PTPRT: variants seen among roughly 807,000 people sequenced by gnomAD.
PTPRT encodes receptor-type tyrosine-protein phosphatase T.
A neutral mutation model predicts 176.8 loss-of-function variants in PTPRT; 56 were observed. The ratio of observed to expected loss-of-function variants is 0.32; its 90% confidence interval spans 0.26 to 0.40. The LOEUF (loss-of-function observed/expected upper bound fraction) is 0.40, where lower values mean the gene tolerates loss of function less well. PTPRT is among the 10% of genes least tolerant of loss of function. The probability of loss-of-function intolerance (pLI) is 1.00; values close to 1 mark genes in which losing one functional copy is unlikely to be tolerated. For missense variants in PTPRT, 1,540 were observed against 1,908.2 expected, an observed-to-expected ratio of 0.81 and a Z score of 3.60; for synonymous variants, 783 against 739.0, an observed-to-expected ratio of 1.06 and a Z score of -0.96.
At chr20:42,149,549 G>A (rs1989030427) in intron 17 of PTPRT, among the ~76,000 whole-genome samples, 1 of 151,680 alleles carries the variant, frequency 6.6e-6, no homozygotes. Context: ...TCAGCCTCCT[G>A]AGTAGCTGGG....
intron 2 of PTPRT, among the ~76,000 whole-genome samples, chr20:42,814,343 T>C: frequency 6.6e-6 from 1 of 152,222 alleles, no homozygotes; most frequent in East Asian, 1.9e-4. Flanking sequence ...GTCAGTGATC[T>C]TAACGCAAAT....
rs772426498 is a variant in PTPRT at position 42,236,262 on chromosome 20, T to G, written c.2313-4A>C. 1 of 1,596,376 alleles carries G rather than the reference T, an allele frequency of 6.3e-7. No individual in the cohort carries two copies. The highest frequency in any genetic ancestry group is 1.1e-5 in the South Asian group (1 of 90,120). On this transcript the variant is annotated splice_polypyrimidine_tract_variant and splice_region_variant and intron_variant, in intron 14 of 30. Coordinates refer to ENST00000373187, the MANE Select transcript of PTPRT (RefSeq NM_007050.6). ...GGAGTAGGAATAAGCATTTCTTCTA[T>G]ATATTGATGGGCAGTCAGATGAAGG...
intron 6 of PTPRT, chr20:42,688,618 T>C (rs1024437535): frequency 1.3e-5 from 2 of 152,226 alleles, no homozygotes; most frequent in Non-Finnish European, 2.9e-5. Flanking sequence ...ATAGGTATTA[T>C]AATTATCTTT....
intron 13 of PTPRT, among the ~76,000 whole-genome samples, chr20:42,279,118 G>C (rs978608386): frequency 1.3e-5 from 2 of 152,002 alleles, no homozygotes; most frequent in African/African-American, 2.4e-5. Context: ...ATCACTTAAT[G>C]CCTGTTTACC....
In PTPRT at chr20:42,508,847, A is replaced by C. The variant is rs78625382; in HGVS notation, c.1154-36285T>G. The stretch of plus-strand genomic sequence containing the variant: ...GTACTGGAAACTCTGGTCATTGTAC[A>C]TTTAATGATGGCTGTTTATCCTTAC... On this transcript the variant is annotated intron_variant, in intron 7 of 30. Coordinates refer to ENST00000373187, the MANE Select transcript of PTPRT (RefSeq NM_007050.6). Among the ~76,000 whole-genome samples the C allele has an allele frequency of 2.0e-3, 295 of 149,572 alleles. 6 individuals carry two copies. The East Asian group carries it at 0.048, about 24-fold the overall frequency.
chr20:42,570,871 T>A (rs1568985885), intron 7 of PTPRT, among the ~76,000 whole-genome samples: 1 of 151,878 alleles, frequency 6.6e-6, no homozygotes, highest in Non-Finnish European at 1.5e-5. Context: ...ATTAACTTAA[T>A]CTATAAAGTC....
chr20:42,437,469 C>T lies in PTPRT; in HGVS notation c.1560+10751G>A, dbSNP rs146063047. The stretch of plus-strand genomic sequence containing the variant: ...ACTATTTGACGTGCAGCGATACACA[C>T]GTTAAAAACGTGCATAAAATAAAAC... On this transcript the variant is annotated intron_variant, in intron 9 of 30. Transcript: ENST00000373187. Among the ~76,000 whole-genome samples the T allele has an allele frequency of 1.3e-3, 205 of 152,262 alleles. 1 individual carries two copies. Among genetic ancestry groups the T allele is most frequent in the African/African-American group, 4.6e-3 (190 of 41,538 alleles).
intron 1 of PTPRT, among the ~76,000 whole-genome samples, chr20:42,993,440 GTATATATATATATGTATGTGTGTGTA>G: frequency 9.9e-6 from 1 of 101,188 alleles, no homozygotes; most frequent in Non-Finnish European, 1.9e-5. Flanking sequence ...AAGTATGTGT[GTATATATATATATGTATGTGTGTGTA>G]TATATATACA....
intron 7 of PTPRT, among the ~76,000 whole-genome samples, chr20:42,479,558 C>A (rs1445548270): frequency 1.3e-5 from 2 of 152,244 alleles, no homozygotes; most frequent in Non-Finnish European, 2.9e-5. Flanking sequence ...TTCTTTCCAG[C>A]ATCATCGAAA....
At chr20:42,941,634 G>A (rs558911648) in intron 1 of PTPRT, among the ~76,000 whole-genome samples, 4 of 152,118 alleles carry the variant, frequency 2.6e-5, no homozygotes, top group South Asian at 2.1e-4. Context: ...GTACCCTCCC[G>A]TCCTTCTGGG....
intron 7 of PTPRT, among the ~76,000 whole-genome samples, chr20:42,523,908 C>G (rs1033533976): frequency 7.9e-5 from 12 of 152,050 alleles, no homozygotes; most frequent in African/African-American, 2.7e-4. Flanking sequence ...ATCACTTGAG[C>G]TCAGGAGTTG....
In PTPRT at chr20:42,593,157, C is replaced by G. The variant is rs149300729; in HGVS notation, c.1153+84709G>C. Reference sequence around the variant, plus strand: ...CATGACTTTGGTCTCAACACCGGCACAGTAATCATCATGGAATCTCAGAAT... The same window carrying G: ...CATGACTTTGGTCTCAACACCGGCAGAGTAATCATCATGGAATCTCAGAAT... On this transcript the variant is annotated intron_variant, in intron 7 of 30. Coordinates refer to ENST00000373187, the MANE Select transcript of PTPRT (RefSeq NM_007050.6). Among the ~76,000 whole-genome samples the G allele has an allele frequency of 4.0e-3, 607 of 152,256 alleles. 2 individuals are homozygous for G. The highest frequency in any genetic ancestry group is 6.8e-3 in the Middle Eastern group (2 of 294).
intron 17 of PTPRT, 79 bp downstream of exon 17, chr20:42,161,273 T>C (rs1373850256): frequency 2.6e-6 from 4 of 1,549,394 alleles, no homozygotes; most frequent in Middle Eastern, 3.4e-4. Flanking sequence ...CAGGGAGCCA[T>C]ACTTTTTGTA....
intron 13 of PTPRT, among the ~76,000 whole-genome samples, chr20:42,273,064 C>T (rs781140569): frequency 2.0e-5 from 3 of 152,148 alleles, no homozygotes; most frequent in Non-Finnish European, 2.9e-5. Context: ...TTTGCCTTGA[C>T]GACAGCCCTT....
rs574161068 is a variant in PTPRT, at chr20:43,152,211, GA to G, written c.88+37434del. 7.2e-3 allele frequency among the ~76,000 whole-genome samples: 1,076 copies of G among 148,758 alleles called. 26 individuals are homozygous for G. The highest frequency in any genetic ancestry group is 0.053 in the Admixed American group (787 of 14,944). ...ACAACTACCTTGAAAAGTTAGCCAA[GA>G]AAAAAAAAATGGAAGGAAATATGCC... On this transcript the variant is annotated intron_variant, in intron 1 of 30. Coordinates refer to ENST00000373187, the MANE Select transcript of PTPRT (RefSeq NM_007050.6).
intron 1 of PTPRT, among the ~76,000 whole-genome samples, chr20:43,178,032 T>C (rs2015160533): frequency 6.6e-6 from 1 of 152,236 alleles, no homozygotes; most frequent in African/African-American, 2.4e-5. Flanking sequence ...AAAAAGTTTA[T>C]AAAACTTCTG....
chr20:42,508,250 T>G (rs2071885492), intron 7 of PTPRT, among the ~76,000 whole-genome samples: 1 of 151,744 alleles, frequency 6.6e-6, no homozygotes, highest in Admixed American at 6.6e-5. Flanking sequence ...TATGTTTGGT[T>G]TTGTTTCTAG....
chr20:43,178,379 G>A (rs571248671), intron 1 of PTPRT, among the ~76,000 whole-genome samples: 1 of 152,228 alleles, frequency 6.6e-6, no homozygotes, highest in Admixed American at 6.5e-5. Flanking sequence ...ACCCTGATTT[G>A]AGACTGTTTA....
intron 2 of PTPRT, among the ~76,000 whole-genome samples, chr20:42,853,416 C>T (rs1303500759): frequency 6.6e-6 from 1 of 152,110 alleles, no homozygotes; most frequent in African/African-American, 2.4e-5. Context: ...AGCCTGAGAA[C>T]TAGAAGAGGT....
Sources: allele counts gnomAD v4.1 joint callset (sites outside exome capture counted in the v4.1 genomes callset), GRCh38; gene constraint gnomAD v4.1.1; transcripts MANE v1.5; gene names NCBI Gene and HGNC (gene_info 2026-07-23, HGNC 2026-07-21).